Variants in MECOM observed in about 807,000 individuals in gnomAD.
The protein encoded by MECOM is MDS1 and EVI1 complex locus, also known as histone-lysine N-methyltransferase MECOM.
In MECOM, 13 loss-of-function variants were observed where a neutral mutation model predicts 116.3. That is an observed-to-expected ratio of 0.11 (90% CI 0.07 to 0.18). MECOM has a LOEUF of 0.18. MECOM is among the 10% of genes least tolerant of loss of function. The pLI is 1.00. For synonymous variants in MECOM, 528 were observed against 535.2 expected (o/e 0.99, Z 0.19); for missense variants, 1,299 against 1,509.0 (o/e 0.86, Z 2.31).
chr3:169,353,166 T>G (rs1309713612), intron 2 of MECOM, among the ~76,000 whole-genome samples: 1 of 151,938 alleles, frequency 6.6e-6, no homozygotes, highest in Non-Finnish European at 1.5e-5. Context: ...TTTGGCTGTT[T>G]ATAAGAGATA....
intron 2 of MECOM, among the ~76,000 whole-genome samples, chr3:169,303,695 T>C (rs1461958463): frequency 1.3e-5 from 2 of 152,232 alleles, no homozygotes; most frequent in Admixed American, 6.5e-5. Flanking sequence ...TTTCAAATAC[T>C]CAAAAAGCCA....
chr3:169,501,565 C>T (rs1358305255), intron 1 of MECOM, among the ~76,000 whole-genome samples: 2 of 152,008 alleles, frequency 1.3e-5, no homozygotes, highest in African/African-American at 4.8e-5. Context: ...TGTTTACATG[C>T]CATTTCTACA....
chr3:169,445,097 T>G (rs1200733652), intron 1 of MECOM, among the ~76,000 whole-genome samples: 1 of 152,174 alleles, frequency 6.6e-6, no homozygotes, highest in Non-Finnish European at 1.5e-5. Context: ...TTCAGAAAAT[T>G]TGCAGCCTGA....
intron 2 of MECOM, among the ~76,000 whole-genome samples, chr3:169,308,397 C>A (rs940469347): frequency 6.6e-6 from 1 of 152,158 alleles, no homozygotes; most frequent in African/African-American, 2.4e-5. Context: ...TAAGGAACTC[C>A]CTCTCTCCAA....
At chr3:169,522,582 G>A (rs1269284927) in intron 1 of MECOM, among the ~76,000 whole-genome samples, 1 of 152,168 alleles carries the variant, frequency 6.6e-6, no homozygotes, top group South Asian at 2.1e-4. Flanking sequence ...GACCCACTCA[G>A]CCACGACCAG....
At position 169,112,793 on chromosome 3, in the gene MECOM, G is replaced by A. The variant is rs371991943; in HGVS notation, c.2571C>T (p.His857=). ...TCAAATCCAAAATACTTACTTGTGG[G>A]TGAAACAAGAATCCTGGAGAAGGCC... is the stretch of plus-strand genomic sequence containing the variant. ...YLRPSPGFLF[H]PQFQLPDQRT... The change falls in exon 9 of 17, where the codon CAC becomes CAT. Residue 857 remains histidine (H), a synonymous_variant. Coordinates refer to ENST00000651503, the MANE Select transcript of MECOM (RefSeq NM_004991.4). 1.2e-6 allele frequency: 2 copies of A among 1,611,788 alleles called. No homozygotes were observed. The highest frequency in any genetic ancestry group is 1.1e-5 in the South Asian group (1 of 90,820).
At chr3:169,382,290 G>A (rs952389923) in intron 1 of MECOM, among the ~76,000 whole-genome samples, 1 of 152,132 alleles carries the variant, frequency 6.6e-6, no homozygotes, top group African/African-American at 2.4e-5. Context: ...AAATGAGGGA[G>A]ATCAGAAACG....
intron 1 of MECOM, among the ~76,000 whole-genome samples, chr3:169,564,764 C>G (rs1343805663): frequency 6.6e-6 from 1 of 152,204 alleles, no homozygotes; most frequent in African/African-American, 2.4e-5. Context: ...AAAGAACTCT[C>G]TTCACTACAT....
chr3:169,550,803 G>C (rs986006933), intron 1 of MECOM, among the ~76,000 whole-genome samples: 3 of 151,120 alleles, frequency 2.0e-5, no homozygotes, highest in Admixed American at 6.6e-5. Flanking sequence ...TTATAAATGA[G>C]AGACAGGTTC....
At chr3:169,288,975 AG>A (rs1254394158) in intron 2 of MECOM, among the ~76,000 whole-genome samples, 1 of 152,230 alleles carries the variant, frequency 6.6e-6, no homozygotes, top group Non-Finnish European at 1.5e-5. Context: ...GAAAGACAAA[AG>A]GATTCCAGAG....
chr3:169,111,683 G>C (rs1309699826), intron 9 of MECOM, among the ~76,000 whole-genome samples: 2 of 151,970 alleles, frequency 1.3e-5, no homozygotes, highest in Non-Finnish European at 2.9e-5. Context: ...CATTTTGAAA[G>C]GGAGTGAGAG....
chr3:169,478,566 G>A (rs143520703), intron 1 of MECOM, among the ~76,000 whole-genome samples: 1 of 152,320 alleles, frequency 6.6e-6, no homozygotes, highest in Non-Finnish European at 1.5e-5. Context: ...CAGACAATAA[G>A]TATCACCAAT....
chr3:169,416,702 C>T (rs1738668068), intron 1 of MECOM, among the ~76,000 whole-genome samples: 1 of 151,966 alleles, frequency 6.6e-6, no homozygotes, highest in Non-Finnish European at 1.5e-5. Context: ...AAGAGGATAG[C>T]ACCACTGACC....
intron 2 of MECOM, among the ~76,000 whole-genome samples, chr3:169,226,330 A>G (rs556043083): frequency 2.0e-5 from 3 of 152,298 alleles, no homozygotes; most frequent in Non-Finnish European, 4.4e-5. Context: ...CACAGGACCT[A>G]TAGTCCCTCA....
In MECOM at chr3:169,084,358, C is replaced by T. The variant is rs905743761; in HGVS notation, c.*551G>A. ...GTACTTAAGAAGGCAAAAGGGGGAA[C>T]AAGTACTCCCTGTTATCAGTTTCTA... On this transcript the variant is annotated 3_prime_UTR_variant, in exon 17 of 17. Transcript: ENST00000651503. 56 of 231,518 alleles carry T rather than the reference C, an allele frequency of 2.4e-4. No individual in the cohort carries two copies. Among genetic ancestry groups the T allele is most frequent in the Admixed American group, 2.4e-3 (42 of 17,814 alleles). 14.3% of individuals were successfully genotyped at this position (231,518 alleles called of 1,614,324 possible).
At chr3:169,233,627 A>G (rs568946714) in intron 2 of MECOM, among the ~76,000 whole-genome samples, 3 of 152,150 alleles carry the variant, frequency 2.0e-5, no homozygotes, top group African/African-American at 4.8e-5. Context: ...GCACTCTCTA[A>G]AGCTCACTCG....
chr3:169,398,000 C>T (rs1263528043), intron 1 of MECOM, among the ~76,000 whole-genome samples: 2 of 152,190 alleles, frequency 1.3e-5, no homozygotes, highest in African/African-American at 2.4e-5. Context: ...TCCTAGTGAA[C>T]TGCTAGCAAA....
At position 169,093,005 on chromosome 3, in the gene MECOM, A is replaced by C. The variant is rs1398331069; in HGVS notation, c.3117T>G (p.Ile1039Met). 2.5e-6 allele frequency: 4 copies of C among 1,613,696 alleles called. No individual in the cohort carries two copies. The East Asian group carries it at 8.9e-5, about 36-fold the overall frequency. Residue 1039 changes from isoleucine to methionine, a missense_variant, in exon 14 of 17, where the codon ATT (isoleucine) becomes ATG (methionine). Physicochemically the swap from Ile to Met is conservative, Grantham distance 10. Coordinates refer to ENST00000651503, the MANE Select transcript of MECOM (RefSeq NM_004991.4). The stretch of plus-strand genomic sequence containing the variant: ...ATTGGCTGCCATGGTTGCTGTTCCC[A>C]ATGAAATTTCGAATTTCTGTGAAGT... ...DAYFTEIRNF[I>M]GNSNHGSQSP...
intron 1 of MECOM, among the ~76,000 whole-genome samples, chr3:169,450,282 G>C (rs1010303190): frequency 6.6e-6 from 1 of 152,102 alleles, no homozygotes; most frequent in African/African-American, 2.4e-5. Flanking sequence ...TCACGATTTA[G>C]TACTTTAAAC....
Sources: gnomAD v4.1 joint callset for allele counts (sites outside exome capture counted in the v4.1 genomes callset) on GRCh38, gnomAD v4.1.1 for gene constraint, MANE v1.5 for transcripts, NCBI Gene and HGNC (gene_info 2026-07-23, HGNC 2026-07-21) for gene names.